Variants in PCDHA6 observed in about 807,000 individuals in gnomAD.
PCDHA6 encodes protocadherin alpha 6, also known as protocadherin alpha-6.
PCDHA6 carries 55 observed loss-of-function variants against 60.3 expected under a neutral mutation model. The observed-to-expected ratio is 0.91, with a 90% CI of 0.73 to 1.14. The LOEUF (loss-of-function observed/expected upper bound fraction) is 1.14, where lower values mean the gene tolerates loss of function less well. PCDHA6 is among the 50% of genes most tolerant of loss of function. PCDHA6 has a pLI of 0.00. For synonymous variants in PCDHA6, 652 were observed against 557.9 expected (o/e 1.17, Z -2.38); for missense variants, 1,327 against 1,256.5 (o/e 1.06, Z -0.85).
intron 1 of PCDHA6, among the ~76,000 whole-genome samples, chr5:140,923,225 AGCCCAGAAG>A (rs2081250184): frequency 4.2e-5 from 3 of 71,942 alleles, no homozygotes; most frequent in Admixed American, 3.0e-4. Flanking sequence ...GGATCGTTTG[AGCCCAGAAG>A]TTTGAGACCA....
At chr5:140,869,861 AAAATGCTGCT>A in intron 1 of PCDHA6, 1 of 1,610,746 alleles carries the variant, frequency 6.2e-7, no homozygotes, top group Admixed American at 1.7e-5. Flanking sequence ...AGCCTTATGG[AAAATGCTGCT>A]AAAGAAACTC....
intron 3 of PCDHA6, among the ~76,000 whole-genome samples, chr5:140,986,342 C>G (rs1390823261): frequency 4.6e-5 from 7 of 152,184 alleles, no homozygotes; most frequent in African/African-American, 1.7e-4. Flanking sequence ...ACAGTTGCAG[C>G]CTCTTCTTCA....
intron 1 of PCDHA6, among the ~76,000 whole-genome samples, chr5:140,833,285 G>A (rs1166936002): frequency 1.3e-5 from 2 of 152,118 alleles, no homozygotes; most frequent in Non-Finnish European, 2.9e-5. Flanking sequence ...ATTTAGGAAA[G>A]CATCTGAATA....
At chr5:140,836,324 T>A (rs1774378159) in intron 1 of PCDHA6, 3 of 1,613,578 alleles carry the variant, frequency 1.9e-6, no homozygotes, top group Non-Finnish European at 2.5e-6. Context: ...GCCACCGCCT[T>A]CTGGTGCTTG....
chr5:140,932,687 T>A (rs1285364025), intron 1 of PCDHA6, among the ~76,000 whole-genome samples: 2 of 151,810 alleles, frequency 1.3e-5, no homozygotes, highest in Non-Finnish European at 2.9e-5. Context: ...TATATTCAAA[T>A]TAAAAAACTC....
At chr5:140,875,997 T>C in intron 1 of PCDHA6, 13 of 1,613,924 alleles carry the variant, frequency 8.1e-6, no homozygotes, top group South Asian at 1.1e-5. Context: ...TAAGTCTAAA[T>C]GAGAATTTTG....
chr5:141,010,201 C>G lies in PCDHA6; in HGVS notation c.*264C>G, dbSNP rs782495760. On this transcript the variant is annotated 3_prime_UTR_variant, in exon 4 of 4. Coordinates refer to ENST00000529310, the MANE Select transcript of PCDHA6 (RefSeq NM_018909.4). ...GCAGACCCAAGTTTCCTTTCTCCTC[C>G]GCCGCAAAGGAGAGGCTTCCCAGCC... 9.0e-6 allele frequency: 14 copies of G among 1,551,916 alleles called. No homozygotes were observed. Among genetic ancestry groups the G allele is most frequent in the Non-Finnish European group, 1.0e-5 (12 of 1,147,084 alleles).
intron 3 of PCDHA6, among the ~76,000 whole-genome samples, chr5:140,999,049 A>C (rs962383659): frequency 1.3e-5 from 2 of 152,214 alleles, no homozygotes; most frequent in African/African-American, 4.8e-5. Flanking sequence ...TGTGCTTTCC[A>C]CCATGCCTAA....
intron 1 of PCDHA6, among the ~76,000 whole-genome samples, chr5:140,925,065 G>C (rs782540022): frequency 2.0e-5 from 3 of 151,188 alleles, no homozygotes; most frequent in Non-Finnish European, 4.4e-5. Flanking sequence ...GGGCAACAAA[G>C]CAACACGCTC....
intron 1 of PCDHA6, among the ~76,000 whole-genome samples, chr5:140,957,658 G>T (rs2095373813): frequency 6.6e-6 from 1 of 151,932 alleles, no homozygotes; most frequent in Non-Finnish European, 1.5e-5. Flanking sequence ...TTCAATCATG[G>T]AGTAAAAATT....
chr5:140,924,105 C>T lies in PCDHA6; in HGVS notation c.2395-54844C>T, dbSNP rs140580566. ...AGGCAGAAAGAATAAATTTTCATTC[C>T]AAAGCAGTTAGCTTGCTTAGCAGCA... is the stretch of plus-strand genomic sequence containing the variant. On this transcript the variant is annotated intron_variant, in intron 1 of 3. Coordinates refer to ENST00000529310, the MANE Select transcript of PCDHA6 (RefSeq NM_018909.4). Among the ~76,000 whole-genome samples the T allele has an allele frequency of 8.5e-5, 13 of 152,262 alleles. No homozygotes were observed. The East Asian group carries it at 2.5e-3, about 29-fold the overall frequency.
At chr5:140,928,634 C>G in intron 1 of PCDHA6, 1 of 1,614,216 alleles carries the variant, frequency 6.2e-7, no homozygotes, top group Non-Finnish European at 8.5e-7. Flanking sequence ...CACTTGGTCA[C>G]AAAAGTGGTA....
chr5:140,966,953 C>A, intron 1 of PCDHA6: 1 of 1,603,802 alleles, frequency 6.2e-7, no homozygotes. Flanking sequence ...CAACGTGGCT[C>A]GCGCGCTGGG....
At chr5:140,982,748 G>C (rs2097001127) in intron 3 of PCDHA6, among the ~76,000 whole-genome samples, 185 bp downstream of exon 3, 1 of 151,896 alleles carries the variant, frequency 6.6e-6, no homozygotes, top group African/African-American at 2.4e-5. Flanking sequence ...TGCTCTTCAG[G>C]AGTTGAAAAA....
intron 1 of PCDHA6, chr5:140,883,711 C>T (rs1554179442): frequency 2.5e-6 from 4 of 1,613,576 alleles, no homozygotes; most frequent in Non-Finnish European, 3.4e-6. Flanking sequence ...CTGCTCAGGA[C>T]GCGGACGCAC....
chr5:140,898,138 T>C (rs1294129650), intron 1 of PCDHA6, among the ~76,000 whole-genome samples: 1 of 152,208 alleles, frequency 6.6e-6, no homozygotes, highest in African/African-American at 2.4e-5. Flanking sequence ...ATTTTGTAGG[T>C]TGCCTGTTCA....
chr5:140,882,767 G>T lies in PCDHA6; in HGVS notation c.2394+52282G>T, dbSNP rs1348655523. ...CGATGCAGATATTGGAGTAAACTCG[G>T]CATTGACCTACCGACTGGATCCCAA... On this transcript the variant is annotated intron_variant, in intron 1 of 3. Transcript: ENST00000529310. 1.9e-6 allele frequency: 3 copies of T among 1,614,058 alleles called. No individual in the cohort carries two copies. The South Asian group carries it at 3.3e-5, about 18-fold the overall frequency.
At chr5:140,867,294 T>C (rs987236296) in intron 1 of PCDHA6, 3 of 152,152 alleles carry the variant, frequency 2.0e-5, no homozygotes, top group African/African-American at 7.2e-5. Flanking sequence ...TCAAATATCA[T>C]GTTGAATATA....
chr5:140,858,155 T>C (rs782113419), intron 1 of PCDHA6: 1 of 1,597,742 alleles, frequency 6.3e-7, no homozygotes, highest in African/African-American at 1.3e-5. Context: ...CATCGCCATC[T>C]GCGCGGTGTC....
Sources: gnomAD v4.1 joint callset for allele counts (sites outside exome capture counted in the v4.1 genomes callset) on GRCh38, gnomAD v4.1.1 for gene constraint, MANE v1.5 for transcripts, NCBI Gene and HGNC (gene_info 2026-07-23, HGNC 2026-07-21) for gene names.